The following RMND1 variants were observed in gnomAD, a reference collection of about 807,000 sequenced individuals.
RMND1 encodes the protein required for meiotic nuclear division 1 homolog, also known as required for meiotic nuclear division protein 1 homolog.
A neutral mutation model predicts 54.0 loss-of-function variants in RMND1; 41 were observed. The observed-to-expected ratio is 0.76, with a 90% CI of 0.59 to 0.98. RMND1 has a LOEUF of 0.98. Among genes scored for constraint, RMND1 ranks in the 50% least tolerant of loss-of-function variants. RMND1 has a pLI of 0.00. For synonymous variants in RMND1, 183 were observed against 181.7 expected (o/e 1.01, Z -0.06); for missense variants, 457 against 532.0 (o/e 0.86, Z 1.39).
intron 8 of RMND1, among the ~76,000 whole-genome samples, chr6:151,421,955 A>G (rs1780163302): frequency 6.6e-6 from 1 of 152,074 alleles, no homozygotes; most frequent in Non-Finnish European, 1.5e-5. Context: ...TTTCAATTAT[A>G]TTAATATTAA....
At chr6:151,436,275 C>T (rs1780609814) in intron 3 of RMND1, 171 bp downstream of exon 3, 1 of 667,962 alleles carries the variant, frequency 1.5e-6, no homozygotes, top group Non-Finnish European at 2.4e-6. Context: ...TCTGTAAATA[C>T]ATTTTAATTC....
intron 9 of RMND1, among the ~76,000 whole-genome samples, chr6:151,418,084 G>C (rs1438046882): frequency 6.6e-6 from 1 of 152,058 alleles, no homozygotes; most frequent in Non-Finnish European, 1.5e-5. Context: ...GGGATTACAG[G>C]TGTGAGCCAC....
intron 1 of RMND1, among the ~76,000 whole-genome samples, chr6:151,447,387 G>A (rs1017774316): frequency 1.3e-5 from 2 of 152,140 alleles, no homozygotes; most frequent in East Asian, 1.9e-4. Context: ...CACTCTGAGC[G>A]CTTTCTACAT....
chr6:151,446,568 T>C (rs1040596533), intron 1 of RMND1, among the ~76,000 whole-genome samples: 18 of 152,036 alleles, frequency 1.2e-4, no homozygotes, highest in African/African-American at 4.3e-4. Flanking sequence ...GTAAACAGAA[T>C]TTCCCCCTTA....
In RMND1 at chr6:151,452,084, G is replaced by C; in HGVS notation, c.-83C>G. 1 of 168,342 alleles carries C rather than the reference G, an allele frequency of 5.9e-6. No individual in the cohort carries two copies. Among genetic ancestry groups the C allele is most frequent in the South Asian group, 1.1e-4 (1 of 8,800 alleles). 10.4% of individuals were successfully genotyped at this position (168,342 alleles called of 1,614,324 possible). ...TCCTCGGCAGGACTGCAGGGAAAGA[G>C]CCGCACCCCCAGCCTCTCACTACTG... is the stretch of plus-strand genomic sequence containing the variant. On this transcript the variant is annotated 5_prime_UTR_variant, in exon 1 of 12. Coordinates refer to ENST00000444024, the MANE Select transcript of RMND1 (RefSeq NM_017909.4).
intron 2 of RMND1, among the ~76,000 whole-genome samples, chr6:151,437,580 T>C (rs1183653999): frequency 6.6e-6 from 1 of 152,192 alleles, no homozygotes; most frequent in African/African-American, 2.4e-5. Context: ...AACACAACTG[T>C]TCAGTAGTTG....
chr6:151,405,173 C>T lies in RMND1; in HGVS notation c.*62G>A. The T allele has an allele frequency of 6.6e-7, 1 of 1,511,574 alleles. No homozygotes were observed. The highest frequency in any genetic ancestry group is 9.2e-7 in the Non-Finnish European group (1 of 1,088,018). The allele number at this position is 1,511,574 out of a possible 1,614,324, so 93.6% of individuals were successfully genotyped here. A position where few individuals can be genotyped will look rare whatever the true frequency, so the allele number is the denominator to read the frequency against. On this transcript the variant is annotated 3_prime_UTR_variant, in exon 12 of 12. Transcript: ENST00000444024. ...GCATGAGGCACCGCGCCGGGCCGAA[C>T]ATTTAATTTTTGATTGTAGAACTTG...
Position 151,436,519 on chromosome 6 carries a change from A to G in RMND1, c.540T>C (p.Asp180=), listed in dbSNP as rs1780619519. The G allele has an allele frequency of 5.6e-6, 9 of 1,613,932 alleles. No individual in the cohort carries two copies. Among genetic ancestry groups the G allele is most frequent in the South Asian group, 1.1e-5 (1 of 91,086 alleles). The stretch of plus-strand genomic sequence containing the variant: ...GAGACAGATTTCCCAGATGATACTC[A>G]TCTGCCGTTGCAAATGCTGTGCAGT... ...LMHCTAFATA[D]EYHLGNLSQD... Residue 180 remains aspartate (D), a synonymous_variant, in exon 3 of 12, where the codon GAT becomes GAC. Transcript: ENST00000444024.
intron 2 of RMND1, among the ~76,000 whole-genome samples, chr6:151,437,786 G>A (rs972893363): frequency 6.6e-6 from 1 of 152,090 alleles, no homozygotes; most frequent in Non-Finnish European, 1.5e-5. Flanking sequence ...GAAATGGCCT[G>A]ACCCCATTTG....
chr6:151,447,278 A>C (rs1442675557), intron 1 of RMND1, among the ~76,000 whole-genome samples: 2 of 152,204 alleles, frequency 1.3e-5, no homozygotes, highest in Non-Finnish European at 2.9e-5. Flanking sequence ...GGTGGGGAGA[A>C]AGCTGAGCTT....
At chr6:151,417,083 T>C in intron 10 of RMND1, 196 bp downstream of exon 10, 1 of 482,004 alleles carries the variant, frequency 2.1e-6, no homozygotes, top group Non-Finnish European at 3.6e-6. Flanking sequence ...TCACCAACCT[T>C]ATCTAGTCTG....
chr6:151,450,452 G>GT, intron 1 of RMND1, among the ~76,000 whole-genome samples: 2 of 114,090 alleles, frequency 1.8e-5, no homozygotes, highest in African/African-American at 6.7e-5. Flanking sequence ...GAGGGAGGTG[G>GT]GGGGGCCAGC....
intron 1 of RMND1, among the ~76,000 whole-genome samples, chr6:151,450,439 T>G (rs80273666): frequency 1.0e-5 from 1 of 97,814 alleles, no homozygotes. Flanking sequence ...CCACCCCGTC[T>G]GGGAGGGAGG....
intron 10 of RMND1, among the ~76,000 whole-genome samples, chr6:151,407,428 T>A (rs1168514732): frequency 1.3e-5 from 2 of 152,168 alleles, no homozygotes; most frequent in Admixed American, 1.3e-4. Context: ...CCTCTTGCAT[T>A]TTCTTTCAAC....
intron 2 of RMND1, among the ~76,000 whole-genome samples, chr6:151,440,334 T>C (rs758310501): frequency 2.0e-5 from 3 of 152,230 alleles, no homozygotes; most frequent in Non-Finnish European, 4.4e-5. Flanking sequence ...GCTCAATATA[T>C]TCAGAACTGA....
chr6:151,423,768 C>CT (rs1212458668), intron 6 of RMND1, 137 bp from the exon 7 acceptor site: 7 of 658,842 alleles, frequency 1.1e-5, no homozygotes, highest in Non-Finnish European at 1.9e-5. Flanking sequence ...TTCTCATATC[C>CT]TTTGGTCCAG....
intron 10 of RMND1, among the ~76,000 whole-genome samples, chr6:151,416,425 T>TGC (rs1780008679): frequency 6.8e-6 from 1 of 146,400 alleles, no homozygotes; most frequent in Non-Finnish European, 1.5e-5. Flanking sequence ...TACAGCTTTT[T>TGC]TTTTTTTTTT....
Position 151,445,632 on chromosome 6 carries a change from A to G in RMND1, c.180T>C (p.Ser60=), listed in dbSNP as rs750916317. The G allele has an allele frequency of 6.2e-7, 1 of 1,614,178 alleles. No homozygotes were observed. Among genetic ancestry groups the G allele is most frequent in the Non-Finnish European group, 8.5e-7 (1 of 1,180,036 alleles). The change falls in exon 2 of 12, where the codon AGT becomes AGC. Residue 60 remains serine (S), a synonymous_variant. Transcript: ENST00000444024. ...CCAGGATCTGAGACTTATTCAAACCACTAGCTGTTTTATCAGGAAGGAACA... is the reference window on the plus strand; with the variant it reads ...CCAGGATCTGAGACTTATTCAAACCGCTAGCTGTTTTATCAGGAAGGAACA... ...LDLFLPDKTA[S]GLNKSQILEM... is the part of the protein sequence containing the mutation.
chr6:151,436,383 G>A lies in RMND1; in HGVS notation c.613+63C>T, dbSNP rs560635302. The A allele has an allele frequency of 8.6e-5, 136 of 1,588,232 alleles. 1 individual carries two copies. In the African/African-American group the frequency reaches 1.4e-3, roughly 16 times the overall value. On this transcript the variant is annotated intron_variant, in intron 3 of 11. Coordinates refer to ENST00000444024, the MANE Select transcript of RMND1 (RefSeq NM_017909.4). ...TGCAAACAAATACATACTTAAGATA[G>A]TATCATAGGAAAATTATCCAATACA... is the stretch of plus-strand genomic sequence containing the variant.
Sources: gnomAD v4.1 joint callset for allele counts (sites outside exome capture counted in the v4.1 genomes callset) on GRCh38, gnomAD v4.1.1 for gene constraint, MANE v1.5 for transcripts, NCBI Gene and HGNC (gene_info 2026-07-23, HGNC 2026-07-21) for gene names.